The following SEMA3E variants were observed in gnomAD, a reference collection of about 807,000 sequenced individuals.
SEMA3E encodes the protein semaphorin-3E.
In SEMA3E, 49 loss-of-function variants were observed where a neutral mutation model predicts 93.6. The ratio of observed to expected loss-of-function variants is 0.52; its 90% CI spans 0.42 to 0.66. The LOEUF (loss-of-function observed/expected upper bound fraction) is 0.66. SEMA3E is among the 30% of genes least tolerant of loss of function. SEMA3E has a pLI of 0.00. For missense variants in SEMA3E, 906 were observed against 964.8 expected (o/e 0.94, Z 0.81); for synonymous variants, 363 against 330.7 (o/e 1.10, Z -1.06).
intron 4 of SEMA3E, among the ~76,000 whole-genome samples, chr7:83,456,433 A>G (rs1173031818): frequency 1.3e-5 from 2 of 152,070 alleles, no homozygotes; most frequent in Admixed American, 6.6e-5. Context: ...CCCCCATAAA[A>G]ACAGAGGGAT....
intron 2 of SEMA3E, 126 bp downstream of exon 2, chr7:83,489,988 T>C: frequency 1.2e-6 from 1 of 863,014 alleles, no homozygotes; most frequent in Non-Finnish European, 1.8e-6. Flanking sequence ...TTAACTAATA[T>C]TTTATTTAAA....
intron 1 of SEMA3E, among the ~76,000 whole-genome samples, chr7:83,502,905 T>G (rs922875248): frequency 7.2e-5 from 11 of 152,268 alleles, no homozygotes; most frequent in Non-Finnish European, 1.0e-4. Flanking sequence ...CTCACTGTCC[T>G]CATTGTGAAA....
intron 1 of SEMA3E, among the ~76,000 whole-genome samples, chr7:83,644,579 G>A (rs1360822792): frequency 6.6e-6 from 1 of 151,824 alleles, no homozygotes; most frequent in African/African-American, 2.4e-5. Flanking sequence ...AAAATGTACA[G>A]GCAAATTACC....
chr7:83,521,814 C>T (rs1285848290), intron 1 of SEMA3E, among the ~76,000 whole-genome samples: 5 of 152,190 alleles, frequency 3.3e-5, no homozygotes, highest in African/African-American at 9.6e-5. Context: ...ATGAGGGCCC[C>T]ACCTTATGAC....
intron 4 of SEMA3E, among the ~76,000 whole-genome samples, chr7:83,440,759 G>A (rs986899802): frequency 2.7e-5 from 4 of 148,238 alleles, no homozygotes; most frequent in Admixed American, 6.8e-5. Context: ...CTGAGATTGT[G>A]CCACTGCACT....
At chr7:83,624,656 T>TC (rs1172473455) in intron 1 of SEMA3E, among the ~76,000 whole-genome samples, 1 of 152,214 alleles carries the variant, frequency 6.6e-6, no homozygotes, top group Non-Finnish European at 1.5e-5. Context: ...TGCAAAAATT[T>TC]TCTCCCATTA....
At chr7:83,429,454 T>C (rs1384275925) in intron 4 of SEMA3E, among the ~76,000 whole-genome samples, 3 of 152,214 alleles carry the variant, frequency 2.0e-5, no homozygotes, top group Non-Finnish European at 4.4e-5. Context: ...ACTGGCTAGG[T>C]ATGCCACGGT....
intron 1 of SEMA3E, among the ~76,000 whole-genome samples, chr7:83,590,011 A>G (rs746954781): frequency 1.1e-4 from 16 of 152,170 alleles, no homozygotes; most frequent in Non-Finnish European, 1.9e-4. Flanking sequence ...CTGAAATTAT[A>G]TGCTTTGTTC....
At chr7:83,604,684 G>A (rs1049870372) in intron 1 of SEMA3E, among the ~76,000 whole-genome samples, 19 of 151,798 alleles carry the variant, frequency 1.3e-4, no homozygotes, top group African/African-American at 4.6e-4. Flanking sequence ...TGTTACATAG[G>A]TATACGTGTG....
intron 1 of SEMA3E, among the ~76,000 whole-genome samples, chr7:83,558,666 T>C (rs1162719570): frequency 6.6e-6 from 1 of 152,006 alleles, no homozygotes; most frequent in Non-Finnish European, 1.5e-5. Context: ...TATATTTTAA[T>C]AAAAATATGG....
rs1028422733 is a variant in SEMA3E, at chr7:83,487,717, A to G, written c.276+2397T>C. Among the ~76,000 whole-genome samples, 247 of 87,430 alleles carry G rather than the reference A, an allele frequency of 2.8e-3. 1 individual carries two copies. Among genetic ancestry groups the G allele is most frequent in the Admixed American group, 4.8e-3 (40 of 8,332 alleles). The allele number at this position is 87,430 out of a possible 152,430, so 57.4% of individuals were successfully genotyped here. On this transcript the variant is annotated intron_variant, in intron 2 of 16. Transcript: ENST00000643230. Reference sequence around the variant, plus strand: ...TGTGTGTGTGTGTGTGTGTGTGTGTATTTTATATATATGGAGAGAGAGGAA... The same window carrying G: ...TGTGTGTGTGTGTGTGTGTGTGTGTGTTTTATATATATGGAGAGAGAGGAA...
chr7:83,605,353 G>A (rs1282067749), intron 1 of SEMA3E, among the ~76,000 whole-genome samples: 1 of 151,318 alleles, frequency 6.6e-6, no homozygotes, highest in Non-Finnish European at 1.5e-5. Context: ...ATCTCGTTGT[G>A]GTTTTTATTT....
intron 1 of SEMA3E, among the ~76,000 whole-genome samples, chr7:83,551,340 C>T (rs1791760990): frequency 6.6e-6 from 1 of 152,068 alleles, no homozygotes; most frequent in Admixed American, 6.6e-5. Flanking sequence ...GTGAAAGAGT[C>T]TTCAAAACTT....
chr7:83,603,286 T>C (rs1584358208), intron 1 of SEMA3E, among the ~76,000 whole-genome samples: 1 of 151,996 alleles, frequency 6.6e-6, no homozygotes, highest in Non-Finnish European at 1.5e-5. Flanking sequence ...CATAATCTAA[T>C]GAGTATTAGA....
intron 2 of SEMA3E, among the ~76,000 whole-genome samples, chr7:83,488,386 CAG>C (rs1001709218): frequency 1.3e-5 from 2 of 151,944 alleles, no homozygotes; most frequent in Non-Finnish European, 2.9e-5. Context: ...TTTTAAAACA[CAG>C]AGATTAATTA....
intron 5 of SEMA3E, among the ~76,000 whole-genome samples, chr7:83,410,201 A>G (rs1250170457): frequency 6.6e-6 from 1 of 151,972 alleles, no homozygotes; most frequent in Non-Finnish European, 1.5e-5. Flanking sequence ...TTCATTTTAA[A>G]ATTATATATT....
chr7:83,508,735 T>G (rs1476101712), intron 1 of SEMA3E, among the ~76,000 whole-genome samples: 1 of 152,196 alleles, frequency 6.6e-6, no homozygotes, highest in Non-Finnish European at 1.5e-5. Context: ...GAATTTAGGT[T>G]GTAGGATGAC....
intron 2 of SEMA3E, among the ~76,000 whole-genome samples, chr7:83,483,750 G>T (rs1790195610): frequency 6.6e-6 from 1 of 152,116 alleles, no homozygotes; most frequent in Non-Finnish European, 1.5e-5. Context: ...GAAGGAGGTG[G>T]GAAACATCAT....
chr7:83,421,044 G>A (rs1303298180), intron 4 of SEMA3E, among the ~76,000 whole-genome samples: 1 of 142,284 alleles, frequency 7.0e-6, no homozygotes, highest in East Asian at 1.9e-4. Flanking sequence ...CAGAATGTGA[G>A]AAAATATTTG....
Sources: gnomAD v4.1 joint callset for allele counts (sites outside exome capture counted in the v4.1 genomes callset) on GRCh38, gnomAD v4.1.1 for gene constraint, MANE v1.5 for transcripts, NCBI Gene and HGNC (gene_info 2026-07-23, HGNC 2026-07-21) for gene names.